The following ABCC6 variants were observed in gnomAD, a reference collection of about 807,000 sequenced individuals.
ABCC6 encodes the protein ATP binding cassette subfamily C member 6.
Under a neutral mutation model 169.5 loss-of-function variants are expected in ABCC6, and 126 were observed. The observed-to-expected ratio is 0.74, with a 90% CI of 0.64 to 0.86. The LOEUF is 0.86. Among genes scored for constraint, ABCC6 ranks in the 40% least tolerant of loss-of-function variants. The probability of loss-of-function intolerance (pLI) is 0.00; values close to 1 mark genes in which losing one functional copy is unlikely to be tolerated. For missense variants in ABCC6, 1,733 were observed against 1,927.2 expected, an observed-to-expected ratio of 0.90 and a Z score of 1.89; for synonymous variants, 752 against 814.7, an observed-to-expected ratio of 0.92 and a Z score of 1.31.
rs113480556 is a variant in ABCC6, at chr16:16,172,173, G to A, written c.2787+1111C>T. On this transcript the variant is annotated intron_variant, in intron 21 of 30. Transcript: ENST00000205557. Reference sequence around the variant, plus strand: ...AGTGAGTGGGATGGATAAATGGGTGGGTGGGATGGATAAATGAGTGGGTGG... The same window carrying A: ...AGTGAGTGGGATGGATAAATGGGTGAGTGGGATGGATAAATGAGTGGGTGG... Among the ~76,000 whole-genome samples, 108 of 142,936 alleles carry A rather than the reference G, an allele frequency of 7.6e-4. 3 individuals are homozygous for A. The highest frequency in any genetic ancestry group is 2.7e-3 in the African/African-American group (102 of 37,298). The allele number at this position is 142,936 out of a possible 152,430, so 93.8% of individuals were successfully genotyped here.
Position 16,221,773 on chromosome 16 carries a change from A to G in ABCC6, c.95T>C (p.Leu32Pro). 1 of 1,613,692 alleles carries G rather than the reference A, an allele frequency of 6.2e-7. No homozygotes were observed. Among genetic ancestry groups the G allele is most frequent in the Non-Finnish European group, 8.5e-7 (1 of 1,179,678 alleles). ...GGGTACCCAGACCCCTGCTGTTCTC[A>G]GGAAGCACAGGCTCAGCAGGCTGGT... The part of the protein sequence containing the change: ...AATSLLSLCF[L>P]RTAGVWVPPM... Residue 32 changes from leucine to proline, a missense_variant, in exon 2 of 31, where the codon CTG becomes CCG. This residue lies in a region of ABCC6 where 66 missense variants were observed against 69.5 expected (regional missense o/e 0.95). Transcript: ENST00000205557.
intron 29 of ABCC6, among the ~76,000 whole-genome samples, chr16:16,154,141 C>T (rs2046469066): frequency 6.6e-6 from 1 of 151,858 alleles, no homozygotes; most frequent in South Asian, 2.1e-4. Context: ...GAGATAGGGT[C>T]TTGCTATGTT....
intron 22 of ABCC6, among the ~76,000 whole-genome samples, chr16:16,166,796 C>T (rs11862458): frequency 0.18 from 27,508 of 152,042 alleles, 2,868 homozygotes; most frequent in African/African-American, 0.29. Context: ...GAGGCTGAGT[C>T]AGGAGAAACA....
At chr16:16,220,542 G>A (rs1358849732) in intron 2 of ABCC6, among the ~76,000 whole-genome samples, 9 of 151,556 alleles carry the variant, frequency 5.9e-5, no homozygotes, top group Admixed American at 2.6e-4. Flanking sequence ...AAAAGCATAT[G>A]TCATGACAGG....
At position 16,182,948 on chromosome 16, in the gene ABCC6, G is replaced by C. The variant is rs2047527518; in HGVS notation, c.1944-18C>G. On this transcript the variant is annotated intron_variant, in intron 15 of 30. Coordinates refer to ENST00000205557, the MANE Select transcript of ABCC6 (RefSeq NM_001171.6). ...GGTTTATTCTGGACACGCAAGAGGG[G>C]AGACATGACCTTGGTTAGGGTTCAG... 2 of 1,614,060 alleles carry C rather than the reference G, an allele frequency of 1.2e-6. No homozygotes were observed. The highest frequency in any genetic ancestry group is 8.5e-7 in the Non-Finnish European group (1 of 1,180,036).
Position 16,165,670 on chromosome 16 carries a change from C to A in ABCC6, c.3259G>T (p.Ala1087Ser). The A allele has an allele frequency of 6.2e-7, 1 of 1,612,480 alleles. No individual in the cohort carries two copies. Among genetic ancestry groups the A allele is most frequent in the Non-Finnish European group, 8.5e-7 (1 of 1,179,958 alleles). Residue 1087 changes from alanine to serine, a missense_variant, in exon 23 of 31, where the codon GCC becomes TCC. Coordinates refer to ENST00000205557, the MANE Select transcript of ABCC6 (RefSeq NM_001171.6). ...SLVVAVATPLATVAILPLFLL... is the reference protein window; with the variant it reads ...SLVVAVATPLSTVAILPLFLL... ...AACAGTGGCAGGATGGCCACAGTGG[C>A]CAGTGGGGTAGCCACTGCCACCACC...
intron 26 of ABCC6, among the ~76,000 whole-genome samples, chr16:16,158,901 TTG>T (rs747166931): frequency 2.0e-5 from 3 of 152,174 alleles, no homozygotes; most frequent in Non-Finnish European, 2.9e-5. Flanking sequence ...GATGTTGCTG[TTG>T]TGTTACTATT....
chr16:16,153,828 T>C (rs1440161352), intron 29 of ABCC6, among the ~76,000 whole-genome samples: 1 of 148,804 alleles, frequency 6.7e-6, no homozygotes, highest in Non-Finnish European at 1.5e-5. Context: ...TGCTTGAGCC[T>C]GGGAGGTGGA....
intron 9 of ABCC6, among the ~76,000 whole-genome samples, chr16:16,200,789 C>T (rs2152281138): frequency 6.6e-6 from 1 of 151,600 alleles, no homozygotes; most frequent in South Asian, 2.1e-4. Flanking sequence ...CTCAGATGCT[C>T]CATACCCCAC....
In ABCC6 at chr16:16,159,499, C is replaced by CA; in HGVS notation, c.3717dup (p.Ala1240CysfsTer38). On this transcript the variant is annotated frameshift_variant, in exon 26 of 31. Coordinates refer to ENST00000205557, the MANE Select transcript of ABCC6 (RefSeq NM_001171.6). LOFTEE classifies it high-confidence loss of function. ...CCCATCACCTCCTTGGGCGTCCAGGCATAGTCCTGCATCCGCTCCACTGAC... is the reference window on the plus strand; with the variant it reads ...CCCATCACCTCCTTGGGCGTCCAGGCAATAGTCCTGCATCCGCTCCACTGAC... 1 of 1,614,068 alleles carries CA rather than the reference C, an allele frequency of 6.2e-7. No homozygotes were observed. Among genetic ancestry groups the CA allele is most frequent in the Non-Finnish European group, 8.5e-7 (1 of 1,179,998 alleles).
chr16:16,173,164 C>T, intron 21 of ABCC6, 120 bp downstream of exon 21: 1 of 1,368,408 alleles, frequency 7.3e-7, no homozygotes, highest in Non-Finnish European at 1.0e-6. Flanking sequence ...ATGCTACTGG[C>T]ACATAGTAGG....
At chr16:16,215,624 C>T (rs888591118) in intron 4 of ABCC6, among the ~76,000 whole-genome samples, 6 of 151,436 alleles carry the variant, frequency 4.0e-5, no homozygotes, top group African/African-American at 1.5e-4. Flanking sequence ...CAGGCATGTG[C>T]CACGACCCCT....
At chr16:16,152,662 A>C (rs1242772051) in intron 29 of ABCC6, among the ~76,000 whole-genome samples, 1 of 147,874 alleles carries the variant, frequency 6.8e-6, no homozygotes, top group Non-Finnish European at 1.5e-5. Flanking sequence ...CAGATGAGGA[A>C]ACTGAGGCAC....
rs764038301 is a variant in ABCC6, at chr16:16,150,250, G to A, written c.4404-9C>T. The A allele has an allele frequency of 1.9e-6, 3 of 1,613,914 alleles. No homozygotes were observed. The highest frequency in any genetic ancestry group is 2.5e-6 in the Non-Finnish European group (3 of 1,179,970). On this transcript the variant is annotated splice_polypyrimidine_tract_variant and intron_variant, in intron 30 of 30. Transcript: ENST00000205557. ...TGTCCATGACCAGAACCCTGTGGGGGAGAGGGAGACAGAGAGGCTCTTTGG... is the reference window on the plus strand; with the variant it reads ...TGTCCATGACCAGAACCCTGTGGGGAAGAGGGAGACAGAGAGGCTCTTTGG...
In ABCC6 at chr16:16,149,593, T is replaced by C. The variant is rs2046334648; in HGVS notation, c.*540A>G. 4.1e-6 allele frequency: 1 copy of C among 241,238 alleles called. No homozygotes were observed. Among genetic ancestry groups the C allele is most frequent in the Non-Finnish European group, 8.2e-6 (1 of 121,214 alleles). The allele number at this position is 241,238 out of a possible 1,614,324, so 14.9% of individuals were successfully genotyped here. ...AGGTAAAACGGGAAATCGAGCAAGA[T>C]TGTTGTGTCAATGTCAACACCCTGG... is the stretch of plus-strand genomic sequence containing the variant. On this transcript the variant is annotated 3_prime_UTR_variant, in exon 31 of 31. Coordinates refer to ENST00000205557, the MANE Select transcript of ABCC6 (RefSeq NM_001171.6).
chr16:16,156,114 C>T lies in ABCC6; in HGVS notation c.3883-1083G>A, dbSNP rs143495284. ...TATTTTTAGTAGACACGGGATTTCACCATGTTGGCCAGGCTGGTCTCAAAC... is the reference window on the plus strand; with the variant it reads ...TATTTTTAGTAGACACGGGATTTCATCATGTTGGCCAGGCTGGTCTCAAAC... On this transcript the variant is annotated intron_variant, in intron 27 of 30. Coordinates refer to ENST00000205557, the MANE Select transcript of ABCC6 (RefSeq NM_001171.6). 6.9e-3 allele frequency among the ~76,000 whole-genome samples: 1,049 copies of T among 152,212 alleles called. 8 individuals are homozygous for T. Among genetic ancestry groups the T allele is most frequent in the Non-Finnish European group, 0.011 (715 of 68,012 alleles).
chr16:16,160,370 G>T (rs932762327), intron 25 of ABCC6, among the ~76,000 whole-genome samples: 1 of 152,028 alleles, frequency 6.6e-6, no homozygotes, highest in South Asian at 2.1e-4. Flanking sequence ...GTGCACAGTG[G>T]CTCATGCCTA....
chr16:16,161,351 A>G, intron 25 of ABCC6, 87 bp downstream of exon 25: 1 of 1,593,386 alleles, frequency 6.3e-7, no homozygotes, highest in Non-Finnish European at 8.6e-7. Flanking sequence ...GTTTGGACAC[A>G]GGGTCTTCAA....
At chr16:16,165,094 G>A (rs1206532185) in intron 23 of ABCC6, among the ~76,000 whole-genome samples, 1 of 152,192 alleles carries the variant, frequency 6.6e-6, no homozygotes, top group East Asian at 1.9e-4. Context: ...AACATTACGC[G>A]TGAAAGGCTC....
Sources: gnomAD v4.1 joint callset for allele counts (sites outside exome capture counted in the v4.1 genomes callset) on GRCh38, gnomAD v4.1.1 for gene constraint, gnomAD v4.1.1 regional missense constraint, MANE v1.5 for transcripts, NCBI Gene and HGNC (gene_info 2026-07-23, HGNC 2026-07-21) for gene names.